BNC2: variants seen among roughly 807,000 people sequenced by gnomAD.
The protein encoded by BNC2 is basonuclin zinc finger protein 2, also known as zinc finger protein basonuclin-2.
BNC2 carries 20 observed loss-of-function variants against 76.3 expected under a neutral mutation model. The observed-to-expected ratio is 0.26, with a 90% confidence interval of 0.18 to 0.38. The LOEUF is 0.38. Ranked by LOEUF, BNC2 falls within the 10% of genes least tolerant of loss-of-function variation. The pLI is 1.00. For synonymous variants in BNC2, 582 were observed against 514.8 expected (o/e 1.13, Z -1.77); for missense variants, 1,382 against 1,399.8 (o/e 0.99, Z 0.20).
chr9:16,862,033 T>C (rs1403218023), intron 1 of BNC2, among the ~76,000 whole-genome samples: 1 of 149,346 alleles, frequency 6.7e-6, no homozygotes, highest in Non-Finnish European at 1.5e-5. Context: ...TTGAGGAGGG[T>C]GTAGAGAGAC....
chr9:16,644,598 T>A (rs1034386300), intron 3 of BNC2, among the ~76,000 whole-genome samples: 7 of 152,196 alleles, frequency 4.6e-5, no homozygotes, highest in African/African-American at 1.7e-4. Context: ...ATTGTGTTTA[T>A]AGAAAATCAC....
chr9:16,791,722 T>A (rs1440674901), intron 1 of BNC2, among the ~76,000 whole-genome samples: 1 of 152,198 alleles, frequency 6.6e-6, no homozygotes, highest in Non-Finnish European at 1.5e-5. Context: ...TTTCTATGAC[T>A]TGCCCTATAA....
intron 1 of BNC2, among the ~76,000 whole-genome samples, chr9:16,803,213 G>C (rs1486749717): frequency 2.0e-5 from 3 of 152,146 alleles, no homozygotes; most frequent in African/African-American, 7.2e-5. Context: ...GTGAAATGCT[G>C]CCATTTCAAA....
chr9:16,652,462 T>A (rs1326477937), intron 3 of BNC2, among the ~76,000 whole-genome samples: 1 of 152,192 alleles, frequency 6.6e-6, no homozygotes, highest in African/African-American at 2.4e-5. Flanking sequence ...CGAAAGTGAA[T>A]GCCTTACTTG....
rs1820602905 is a variant in BNC2 at position 16,417,226 on chromosome 9, A to C, written c.*1763T>G. On this transcript the variant is annotated 3_prime_UTR_variant, in exon 7 of 7. Transcript: ENST00000380672. Reference sequence around the variant, plus strand: ...TTTTGGCTGCAGACTGAACTTGAGTAAATATCATCATTTAGTCAGTATGTT... The same window carrying C: ...TTTTGGCTGCAGACTGAACTTGAGTCAATATCATCATTTAGTCAGTATGTT... The C allele has an allele frequency of 6.6e-6, 1 of 152,620 alleles. No individual in the cohort carries two copies. The highest frequency in any genetic ancestry group is 2.4e-5 in the African/African-American group (1 of 41,452). 9.5% of individuals were successfully genotyped at this position (152,620 alleles called of 1,614,324 possible). A position where few individuals can be genotyped will look rare whatever the true frequency, so the allele number is the denominator to read the frequency against.
chr9:16,457,465 G>A (rs1821478279), intron 5 of BNC2, among the ~76,000 whole-genome samples: 1 of 152,164 alleles, frequency 6.6e-6, no homozygotes, highest in African/African-American at 2.4e-5. Context: ...CAACATGCAT[G>A]GAGCAAACTC....
intron 1 of BNC2, among the ~76,000 whole-genome samples, chr9:16,814,823 GATAAATCAC>G (rs1175307925): frequency 6.6e-6 from 1 of 152,122 alleles, no homozygotes; most frequent in African/African-American, 2.4e-5. Flanking sequence ...GACATACCAA[GATAAATCAC>G]ATCTGTCCAT....
At chr9:16,483,633 G>A (rs1365504304) in intron 5 of BNC2, among the ~76,000 whole-genome samples, 1 of 152,294 alleles carries the variant, frequency 6.6e-6, no homozygotes, top group Non-Finnish European at 1.5e-5. Context: ...TATTGCTATT[G>A]CAGGATCAAG....
chr9:16,686,394 A>AT (rs1318264766), intron 3 of BNC2, among the ~76,000 whole-genome samples: 10 of 152,090 alleles, frequency 6.6e-5, no homozygotes, highest in Admixed American at 1.3e-4. Flanking sequence ...TTCATTTCAG[A>AT]TTTTTTTAAG....
intron 3 of BNC2, among the ~76,000 whole-genome samples, chr9:16,655,082 C>G (rs535848481): frequency 6.6e-6 from 1 of 151,812 alleles, no homozygotes; most frequent in East Asian, 1.9e-4. Context: ...GGGTCTCACT[C>G]ACATACACCT....
intron 5 of BNC2, among the ~76,000 whole-genome samples, chr9:16,486,316 T>A (rs1822162987): frequency 1.3e-5 from 2 of 152,212 alleles, no homozygotes. Flanking sequence ...AGGACAGTAA[T>A]TATACTTCTT....
At chr9:16,798,407 A>G (rs780548166) in intron 1 of BNC2, among the ~76,000 whole-genome samples, 31 of 152,112 alleles carry the variant, frequency 2.0e-4, no homozygotes, top group Non-Finnish European at 3.7e-4. Context: ...TTTACAAAAG[A>G]TTTTCACATA....
chr9:16,804,185 ATTC>A (rs1176535627), intron 1 of BNC2, among the ~76,000 whole-genome samples: 7 of 152,356 alleles, frequency 4.6e-5, no homozygotes, highest in African/African-American at 7.2e-5. Flanking sequence ...ATGAGTTATT[ATTC>A]TTGTCAATAA....
Position 16,411,335 on chromosome 9 carries a change from A to G in BNC2, c.*7654T>C, listed in dbSNP as rs1820456098. 5 of 152,654 alleles carry G rather than the reference A, an allele frequency of 3.3e-5. No individual in the cohort carries two copies. Among genetic ancestry groups the G allele is most frequent in the Admixed American group, 3.3e-4 (5 of 15,282 alleles). The allele number at this position is 152,654 out of a possible 1,614,324, so 9.5% of individuals were successfully genotyped here. On this transcript the variant is annotated 3_prime_UTR_variant, in exon 7 of 7. Coordinates refer to ENST00000380672, the MANE Select transcript of BNC2 (RefSeq NM_017637.6). ...CTCTCTCTTCAAGAAATATACTTTC[A>G]ATACTATCTACTTCTCTCCATTTTT...
chr9:16,484,718 C>T (rs1460835279), intron 5 of BNC2, among the ~76,000 whole-genome samples: 1 of 152,164 alleles, frequency 6.6e-6, no homozygotes, highest in Non-Finnish European at 1.5e-5. Flanking sequence ...CCCGATCAAG[C>T]TCTTAAGTTT....
rs1485841451 is a variant in BNC2 at position 16,605,031 on chromosome 9, T to A, written c.331-21946A>T. On this transcript the variant is annotated intron_variant, in intron 3 of 6. Coordinates refer to ENST00000380672, the MANE Select transcript of BNC2 (RefSeq NM_017637.6). ...AGCACCAACTTTCTTAATGGACACA[T>A]CTTTTTCAACAATGACTTCATGTGA... is the stretch of plus-strand genomic sequence containing the variant. 2.6e-5 allele frequency among the ~76,000 whole-genome samples: 4 copies of A among 152,142 alleles called. No individual in the cohort carries two copies. The East Asian group carries it at 7.7e-4, about 29-fold the overall frequency.
chr9:16,807,726 G>A (rs1174353822), intron 1 of BNC2, among the ~76,000 whole-genome samples: 4 of 150,422 alleles, frequency 2.7e-5, no homozygotes, highest in African/African-American at 9.7e-5. Flanking sequence ...CTAATTCATT[G>A]ATTAACATAA....
chr9:16,774,593 C>T (rs1296545882), intron 1 of BNC2, among the ~76,000 whole-genome samples: 1 of 152,192 alleles, frequency 6.6e-6, no homozygotes. Flanking sequence ...ACAAATAAGG[C>T]TTTTATTAAA....
intron 3 of BNC2, among the ~76,000 whole-genome samples, chr9:16,686,157 T>C (rs1822971323): frequency 1.3e-5 from 2 of 152,274 alleles, no homozygotes; most frequent in East Asian, 3.9e-4. Context: ...GACTTCTATT[T>C]ATCAATATTT....
Sources: allele counts gnomAD v4.1 joint callset (sites outside exome capture counted in the v4.1 genomes callset), GRCh38; gene constraint gnomAD v4.1.1; transcripts MANE v1.5; gene names NCBI Gene and HGNC (gene_info 2026-07-23, HGNC 2026-07-21).